Variants in ALG14 observed in about 807,000 individuals in gnomAD.
The protein encoded by ALG14 is ALG14 UDP-N-acetylglucosaminyltransferase subunit.
In ALG14, 17 loss-of-function variants were observed where a neutral mutation model predicts 22.8. That is an observed-to-expected ratio of 0.75 (90% CI 0.51 to 1.12). The LOEUF is 1.12. ALG14 is among the 50% of genes most tolerant of loss of function. The probability of loss-of-function intolerance (pLI) is 0.00; values close to 1 mark genes in which losing one functional copy is unlikely to be tolerated. For missense variants in ALG14, 288 were observed against 271.8 expected (o/e 1.06, Z -0.42); for synonymous variants, 89 against 103.7 (o/e 0.86, Z 0.86).
At chr1:95,035,709 TA>T (rs1320398157) in intron 2 of ALG14, 14 of 152,214 alleles carry the variant, frequency 9.2e-5, no homozygotes, top group Admixed American at 9.2e-4. Context: ...TTGTGAAAAC[TA>T]AATAGGAGTT....
chr1:95,004,493 A>T (rs1407594829), intron 3 of ALG14, among the ~76,000 whole-genome samples: 1 of 151,478 alleles, frequency 6.6e-6, no homozygotes, highest in Non-Finnish European at 1.5e-5. Flanking sequence ...AAATGCTGGG[A>T]TTACAGGTGT....
At chr1:95,049,868 C>A (rs1240484457) in intron 2 of ALG14, among the ~76,000 whole-genome samples, 1 of 151,466 alleles carries the variant, frequency 6.6e-6, no homozygotes, top group Non-Finnish European at 1.5e-5. Context: ...GAGATCCCGT[C>A]CCAAAAAAAT....
At chr1:95,036,229 T>C (rs973752453) in intron 2 of ALG14, among the ~76,000 whole-genome samples, 6 of 152,040 alleles carry the variant, frequency 3.9e-5, no homozygotes, top group Non-Finnish European at 5.9e-5. Flanking sequence ...TGGAGATAAT[T>C]GAATCATGGG....
intron 3 of ALG14, among the ~76,000 whole-genome samples, chr1:95,006,867 C>T (rs574323065): frequency 2.6e-5 from 4 of 152,358 alleles, no homozygotes; most frequent in South Asian, 2.1e-4. Flanking sequence ...CCCACTTCCT[C>T]CAACTGTTTC....
intron 2 of ALG14, among the ~76,000 whole-genome samples, chr1:95,056,574 G>T (rs1045804478): frequency 4.6e-5 from 7 of 152,100 alleles, no homozygotes; most frequent in Admixed American, 2.6e-4. Context: ...CAGCTGGGAA[G>T]ATCGAGGCTG....
chr1:95,047,877 G>A (rs1162388086), intron 2 of ALG14, among the ~76,000 whole-genome samples: 1 of 152,102 alleles, frequency 6.6e-6, no homozygotes, highest in Non-Finnish European at 1.5e-5. Context: ...TTGGGAAGCT[G>A]AGGCAGGAGA....
intron 2 of ALG14, chr1:95,041,624 A>AG (rs1674382684): frequency 6.6e-6 from 1 of 151,970 alleles, no homozygotes; most frequent in Non-Finnish European, 1.5e-5. Flanking sequence ...TTTAAAAAAA[A>AG]AAAAAAAGAA....
At chr1:95,000,041 C>G in intron 3 of ALG14, among the ~76,000 whole-genome samples, 1 of 152,252 alleles carries the variant, frequency 6.6e-6, no homozygotes, top group African/African-American at 2.4e-5. Flanking sequence ...TATGTCATCA[C>G]TTATCGTCAA....
In ALG14 at chr1:95,067,974, C is replaced by T. The variant is rs555471531; in HGVS notation, c.137-2957G>A. ...GTTGGCTGTCATCTCCCCAAGAAGG[C>T]TTTCCCTGACAATCTTCATAAAAAA... On this transcript the variant is annotated intron_variant, in intron 1 of 3. Transcript: ENST00000370205. Among the ~76,000 whole-genome samples, 6 of 152,318 alleles carry T rather than the reference C, an allele frequency of 3.9e-5. No individual in the cohort carries two copies. The South Asian group carries it at 1.0e-3, about 26-fold the overall frequency.
At chr1:95,005,866 C>T (rs1571596918) in intron 3 of ALG14, among the ~76,000 whole-genome samples, 1 of 152,232 alleles carries the variant, frequency 6.6e-6, no homozygotes, top group Non-Finnish European at 1.5e-5. Flanking sequence ...GTCTTACATC[C>T]CTCTTGACTT....
At chr1:95,072,670 G>T in intron 1 of ALG14, 93 bp downstream of exon 1, 1 of 1,514,566 alleles carries the variant, frequency 6.6e-7, no homozygotes, top group Non-Finnish European at 9.0e-7. Flanking sequence ...AACACTCCAA[G>T]AAGTGCTAAG....
At chr1:95,011,655 T>C (rs1673366777) in intron 3 of ALG14, among the ~76,000 whole-genome samples, 1 of 152,182 alleles carries the variant, frequency 6.6e-6, no homozygotes, top group Admixed American at 6.5e-5. Flanking sequence ...GACCTTGTGA[T>C]CTGCCCACCT....
intron 3 of ALG14, among the ~76,000 whole-genome samples, chr1:95,020,900 A>C (rs749980529): frequency 3.3e-5 from 5 of 152,190 alleles, no homozygotes; most frequent in Non-Finnish European, 7.4e-5. Flanking sequence ...ATGCCACTGA[A>C]TTGTACACTG....
intron 2 of ALG14, among the ~76,000 whole-genome samples, chr1:95,052,859 A>C (rs1358236687): frequency 3.7e-5 from 1 of 27,252 alleles, no homozygotes; most frequent in South Asian, 2.2e-3. Context: ...TGCATCTCGA[A>C]AAAAAAAAAA....
At chr1:95,001,589 G>A (rs963950804) in intron 3 of ALG14, among the ~76,000 whole-genome samples, 3 of 152,052 alleles carry the variant, frequency 2.0e-5, no homozygotes, top group African/African-American at 4.8e-5. Context: ...TCCGCCTCCC[G>A]GGCTCGAGCA....
intron 3 of ALG14, among the ~76,000 whole-genome samples, chr1:95,024,447 T>A (rs905290544): frequency 6.6e-6 from 1 of 152,208 alleles, no homozygotes; most frequent in African/African-American, 2.4e-5. Context: ...ACTGGATAAC[T>A]TTTCAATTGA....
intron 3 of ALG14, among the ~76,000 whole-genome samples, chr1:94,992,254 C>A (rs1313469253): frequency 6.6e-6 from 1 of 151,942 alleles, no homozygotes; most frequent in African/African-American, 2.4e-5. Flanking sequence ...GCTTGTTTAC[C>A]CGTGCTACAT....
chr1:95,069,572 T>A (rs1324041805), intron 1 of ALG14, among the ~76,000 whole-genome samples: 2 of 147,818 alleles, frequency 1.4e-5, no homozygotes, highest in South Asian at 2.1e-4. Flanking sequence ...AAACCTAGAC[T>A]AAATGACATT....
chr1:94,996,503 G>C (rs1672912454), intron 3 of ALG14, among the ~76,000 whole-genome samples: 1 of 152,180 alleles, frequency 6.6e-6, no homozygotes, highest in Non-Finnish European at 1.5e-5. Context: ...GGGCTTTTCA[G>C]TGAGCCTGAG....
Sources: allele counts gnomAD v4.1 joint callset (sites outside exome capture counted in the v4.1 genomes callset), GRCh38; gene constraint gnomAD v4.1.1; transcripts MANE v1.5; gene names NCBI Gene and HGNC (gene_info 2026-07-23, HGNC 2026-07-21).